BCL6B: variants seen among roughly 807,000 people sequenced by gnomAD.
BCL6B encodes the protein BCL6B transcription repressor, also known as B-cell CLL/lymphoma 6 member B protein.
BCL6B carries 28 observed loss-of-function variants against 44.6 expected under a neutral mutation model. The observed-to-expected ratio is 0.63, with a 90% CI of 0.47 to 0.86. BCL6B has a LOEUF of 0.86. Ranked by LOEUF, BCL6B falls within the 40% of genes least tolerant of loss-of-function variation. The pLI, the probability that BCL6B is intolerant of heterozygous loss-of-function variation, is 0.00. For synonymous variants in BCL6B, 268 were observed against 263.6 expected (o/e 1.02, Z -0.16); for missense variants, 626 against 652.3 (o/e 0.96, Z 0.44).
At position 7,024,942 on chromosome 17, in the gene BCL6B, A is replaced by G. The variant is rs1438238107; in HGVS notation, c.765-134A>G. ...AGCAGGGTGGCACTTGGGCAGTACA[A>G]TGGATGTGGCTCATTGGTCAACAAT... is the stretch of plus-strand genomic sequence containing the variant. On this transcript the variant is annotated intron_variant, in intron 4 of 8. Coordinates refer to ENST00000293805, the MANE Select transcript of BCL6B (RefSeq NM_181844.4). This position sits in a 1 kb window ranked among gnomAD's most constrained non-coding sequence, Gnocchi z 6.6. 3.0e-5 allele frequency: 45 copies of G among 1,490,432 alleles called. No individual in the cohort carries two copies. Among genetic ancestry groups the G allele is most frequent in the Non-Finnish European group, 3.9e-5 (43 of 1,114,670 alleles). The allele number at this position is 1,490,432 out of a possible 1,614,324, so 92.3% of individuals were successfully genotyped here.
In BCL6B at chr17:7,024,059, A is replaced by G; in HGVS notation, c.180-24A>G. 1 of 1,609,994 alleles carries G rather than the reference A, an allele frequency of 6.2e-7. No individual in the cohort carries two copies. Among genetic ancestry groups the G allele is most frequent in the Non-Finnish European group, 8.5e-7 (1 of 1,176,906 alleles). On this transcript the variant is annotated intron_variant, in intron 2 of 8. Coordinates refer to ENST00000293805, the MANE Select transcript of BCL6B (RefSeq NM_181844.4). This position sits in a 1 kb window ranked among gnomAD's most constrained non-coding sequence, Gnocchi z 6.6. The stretch of plus-strand genomic sequence containing the variant: ...TCTCCCTTGGTTCCCCAGCCCCCAA[A>G]GGACTTATCTGCTCTCTCTCTAGTG...
chr17:7,029,304 A>G lies in BCL6B; in HGVS notation c.*1685A>G. ...AGAAGAAGCGCTGAAGCCTTGATTGATAGTTCTGCCCCTTGTTGCCCTGGG... is the reference window on the plus strand; with the variant it reads ...AGAAGAAGCGCTGAAGCCTTGATTGGTAGTTCTGCCCCTTGTTGCCCTGGG... On this transcript the variant is annotated 3_prime_UTR_variant, in exon 9 of 9. Transcript: ENST00000293805. 1 of 987,178 alleles carries G rather than the reference A, an allele frequency of 1.0e-6. No individual in the cohort carries two copies. The highest frequency in any genetic ancestry group is 1.1e-4 in the East Asian group (1 of 8,836). 61.2% of individuals were successfully genotyped at this position (987,178 alleles called of 1,614,324 possible).
chr17:7,027,499 A>G lies in BCL6B; in HGVS notation c.1324-4A>G, dbSNP rs1253761515. Reference sequence around the variant, plus strand: ...CAGGGCCTGACTTGGCTGTCCTCCCACAGTGCGACCCCTGTGGCCTGCATT... The same window carrying G: ...CAGGGCCTGACTTGGCTGTCCTCCCGCAGTGCGACCCCTGTGGCCTGCATT... On this transcript the variant is annotated splice_polypyrimidine_tract_variant and splice_region_variant and intron_variant, in intron 8 of 8. Coordinates refer to ENST00000293805, the MANE Select transcript of BCL6B (RefSeq NM_181844.4). 6.8e-6 allele frequency: 11 copies of G among 1,613,718 alleles called. No individual in the cohort carries two copies. Among genetic ancestry groups the G allele is most frequent in the Admixed American group, 5.0e-5 (3 of 60,004 alleles).
intron 6 of BCL6B, 35 bp from the exon 7 acceptor site, chr17:7,026,670 C>T (rs765794560): frequency 3.1e-6 from 5 of 1,614,166 alleles, no homozygotes; most frequent in Non-Finnish European, 4.2e-6. Context: ...TGTCCTAGGG[C>T]AAAGTCCCTG....
intron 5 of BCL6B, 136 bp from the exon 6 acceptor site, chr17:7,026,321 A>G: frequency 8.6e-7 from 1 of 1,168,826 alleles, no homozygotes; most frequent in Non-Finnish European, 1.2e-6. Flanking sequence ...GGCCTTGAGC[A>G]AGTCAAACCA....
Position 7,024,629 on chromosome 17 carries a change from G to A in BCL6B, c.630G>A (p.Gly210=), listed in dbSNP as rs1296985077. ...TAAACTCTCAGGCCTCCCAAGCAGG[G>A]AGCCTGGTCGGGGAGAGAAGTTCTG... The part of the protein sequence containing the change: ...IVLNSQASQA[G]SLVGERSSGQ... Residue 210 remains glycine (G), a synonymous_variant, in exon 4 of 9, where the codon GGG becomes GGA. Coordinates refer to ENST00000293805, the MANE Select transcript of BCL6B (RefSeq NM_181844.4). This position sits in a 1 kb window ranked among gnomAD's most constrained non-coding sequence, Gnocchi z 6.6. 1 of 1,614,016 alleles carries A rather than the reference G, an allele frequency of 6.2e-7. No individual in the cohort carries two copies. The highest frequency in any genetic ancestry group is 8.5e-7 in the Non-Finnish European group (1 of 1,180,050).
chr17:7,026,603 C>A lies in BCL6B; in HGVS notation c.1036C>A (p.His346Asn). The stretch of plus-strand genomic sequence containing the variant: ...CCGCTACAAGGGCAACCTTGCCAGT[C>A]ATCGTACAGTGCACACAGGTAGGGG... ...SFRYKGNLASHRTVHTGEKPY... is the reference protein window; with the variant it reads ...SFRYKGNLASNRTVHTGEKPY... Residue 346 changes from histidine to asparagine, a missense_variant, in exon 6 of 9, where the codon CAT becomes AAT. Physicochemically the swap from His to Asn is moderately conservative, Grantham distance 68. Coordinates refer to ENST00000293805, the MANE Select transcript of BCL6B (RefSeq NM_181844.4). 1.9e-6 allele frequency: 3 copies of A among 1,614,192 alleles called. No individual in the cohort carries two copies. The South Asian group carries it at 3.3e-5, about 18-fold the overall frequency.
At chr17:7,025,699 C>A (rs1427206120) in intron 5 of BCL6B, among the ~76,000 whole-genome samples, 1 of 151,882 alleles carries the variant, frequency 6.6e-6, no homozygotes, top group African/African-American at 2.4e-5. Context: ...TAGCCGGGCA[C>A]GGTGGTGCAC....
chr17:7,025,836 C>CAAAAAAAAAAA (rs56693603), intron 5 of BCL6B, among the ~76,000 whole-genome samples: 1 of 61,224 alleles, frequency 1.6e-5, no homozygotes, highest in Non-Finnish European at 3.2e-5. Flanking sequence ...GACTCTGTCT[C>CAAAAAAAAAAA]AAAAAAAAAA....
chr17:7,026,786 C>A lies in BCL6B; in HGVS notation c.1136C>A (p.Ser379Ter). 6.2e-7 allele frequency: 1 copy of A among 1,614,128 alleles called. No individual in the cohort carries two copies. The highest frequency in any genetic ancestry group is 1.1e-5 in the South Asian group (1 of 91,082). ...CTGAAAACGCACAGCCGCATCCATT[C>A]GGGAGAGAAGCCGTATAAGTGTGAG... Reference protein sequence around the residue: ...ANLKTHSRIHSGEKPYKCETC... With the variant: ...ANLKTHSRIH Residue 379 changes from serine to a stop codon, truncating the protein, a stop_gained, in exon 7 of 9, where the codon TCG (serine) becomes TAG (stop). Coordinates refer to ENST00000293805, the MANE Select transcript of BCL6B (RefSeq NM_181844.4). LOFTEE classifies it high-confidence loss of function.
rs1161413884 is a variant in BCL6B at position 7,024,532 on chromosome 17, G to C, written c.533G>C (p.Ser178Thr). 1.9e-6 allele frequency: 3 copies of C among 1,613,694 alleles called. No individual in the cohort carries two copies. The African/African-American group carries it at 4.0e-5, about 22-fold the overall frequency. The change falls in exon 4 of 9, where the codon AGT (serine) becomes ACT (threonine). Residue 178 changes from serine to threonine, a missense_variant. Coordinates refer to ENST00000293805, the MANE Select transcript of BCL6B (RefSeq NM_181844.4). The surrounding 1 kb of genome is among the most constrained non-coding windows in gnomAD (Gnocchi z 6.6). ...PDPPTESRSC[S>T]QGPPSPASPD... ...CCACCTACTGAATCTCGAAGCTGCA[G>C]TCAAGGCCCCCCCAGTCCAGCCAGC...
rs1410621270 is a variant in BCL6B at position 7,028,211 on chromosome 17, G to A, written c.*592G>A. On this transcript the variant is annotated 3_prime_UTR_variant, in exon 9 of 9. Transcript: ENST00000293805. ...TAGTTTGTTTAAAATGGAAAAAGGG[G>A]TTCTCTGTGTTCTGCCCCTGTAATT... is the stretch of plus-strand genomic sequence containing the variant. The A allele has an allele frequency of 2.0e-6, 2 of 985,756 alleles. No individual in the cohort carries two copies. Among genetic ancestry groups the A allele is most frequent in the Non-Finnish European group, 2.4e-6 (2 of 830,314 alleles). 61.1% of individuals were successfully genotyped at this position (985,756 alleles called of 1,614,324 possible).
chr17:7,026,950 G>C lies in BCL6B; in HGVS notation c.1186G>C (p.Val396Leu), dbSNP rs747901995. ...GGACTTGAAGTCTCCTCCCTCCCAGGTGGCACATCTGCGGGCGCACGTGCT... is the reference window on the plus strand; with the variant it reads ...GGACTTGAAGTCTCCTCCCTCCCAGCTGGCACATCTGCGGGCGCACGTGCT... ...CETCGSRFVQ[V>L]AHLRAHVLIH... The change falls in exon 8 of 9, where the codon GTG becomes CTG. Residue 396 changes from valine (V) to leucine (L), a missense_variant and splice_region_variant. By Grantham distance (32) the Val-to-Leu change is conservative. Transcript: ENST00000293805. 6.2e-7 allele frequency: 1 copy of C among 1,612,260 alleles called. No individual in the cohort carries two copies. The highest frequency in any genetic ancestry group is 1.1e-5 in the South Asian group (1 of 91,070).
At position 7,024,014 on chromosome 17, in the gene BCL6B, G is replaced by A; in HGVS notation, c.180-69G>A. 1 of 1,561,446 alleles carries A rather than the reference G, an allele frequency of 6.4e-7. No individual in the cohort carries two copies. Among genetic ancestry groups the A allele is most frequent in the Non-Finnish European group, 8.8e-7 (1 of 1,138,354 alleles). On this transcript the variant is annotated intron_variant, in intron 2 of 8. Transcript: ENST00000293805. The surrounding 1 kb of genome is among the most constrained non-coding windows in gnomAD (Gnocchi z 6.6). ...AGGCGGGACTTTTTCAGGGGGCGGG[G>A]CTTCCTGAAGCTGCGCATGTCTCCC...
chr17:7,024,394 T>G lies in BCL6B; in HGVS notation c.402-7T>G. The G allele has an allele frequency of 6.2e-7, 1 of 1,612,344 alleles. No individual in the cohort carries two copies. Among genetic ancestry groups the G allele is most frequent in the East Asian group, 2.2e-5 (1 of 44,840 alleles). On this transcript the variant is annotated splice_region_variant and splice_polypyrimidine_tract_variant and intron_variant, in intron 3 of 8. Transcript: ENST00000293805. The surrounding 1 kb of genome is among the most constrained non-coding windows in gnomAD (Gnocchi z 6.6). ...AATGGCACTAACGTTCATCACACTT[T>G]CCCCAGCTATGAACCTCTGGGCATC...
At position 7,023,691 on chromosome 17, in the gene BCL6B, C is replaced by T. The variant is rs762380355; in HGVS notation, c.20C>T (p.Pro7Leu). The T allele has an allele frequency of 1.9e-6, 3 of 1,612,782 alleles. No individual in the cohort carries two copies. The highest frequency in any genetic ancestry group is 2.2e-5 in the South Asian group (2 of 91,044). Residue 7 changes from proline to leucine, a missense_variant, in exon 2 of 9, where the codon CCG becomes CTG. Physicochemically the swap from Pro to Leu is moderately conservative, Grantham distance 98 (BLOSUM62 -3). Transcript: ENST00000293805. MGSPAA[P>L]EGALGYVREF... ...GTCGCTATGGGTTCCCCCGCCGCCCCGGAGGGAGCGCTGGGCTACGTCCGC... is the reference window on the plus strand; with the variant it reads ...GTCGCTATGGGTTCCCCCGCCGCCCTGGAGGGAGCGCTGGGCTACGTCCGC...
In BCL6B at chr17:7,024,039, C is replaced by T. The variant is rs762779920; in HGVS notation, c.180-44C>T. ...GCTTCCTGAAGCTGCGCATGTCTCCCTTGGTTCCCCAGCCCCCAAAGGACT... is the reference window on the plus strand; with the variant it reads ...GCTTCCTGAAGCTGCGCATGTCTCCTTTGGTTCCCCAGCCCCCAAAGGACT... On this transcript the variant is annotated intron_variant, in intron 2 of 8. Coordinates refer to ENST00000293805, the MANE Select transcript of BCL6B (RefSeq NM_181844.4). This position sits in a 1 kb window ranked among gnomAD's most constrained non-coding sequence, Gnocchi z 6.6. The T allele has an allele frequency of 2.5e-6, 4 of 1,596,048 alleles. No individual in the cohort carries two copies. The highest frequency in any genetic ancestry group is 1.3e-5 in the African/African-American group (1 of 74,370).
rs1157854638 is a variant in BCL6B at position 7,027,678 on chromosome 17, C to A, written c.*59C>A. On this transcript the variant is annotated 3_prime_UTR_variant, in exon 9 of 9. Transcript: ENST00000293805. ...CGGGTGGGAAAGCTGCAGGCCCAGG[C>A]CTTGCTTCCCTATCAGGCTTGGGCA... 6.2e-7 allele frequency: 1 copy of A among 1,604,330 alleles called. No individual in the cohort carries two copies. The highest frequency in any genetic ancestry group is 8.5e-7 in the Non-Finnish European group (1 of 1,177,590).
Position 7,024,292 on chromosome 17 carries a change from T to A in BCL6B, c.389T>A (p.Phe130Tyr). 6.2e-7 allele frequency: 1 copy of A among 1,613,784 alleles called. No homozygotes were observed. Among genetic ancestry groups the A allele is most frequent in the Non-Finnish European group, 8.5e-7 (1 of 1,180,020 alleles). Residue 130 changes from phenylalanine to tyrosine, a missense_variant, in exon 3 of 9, where the codon TTC (phenylalanine) becomes TAC (tyrosine). Phe to Tyr is a conservative substitution (Grantham distance 22). Transcript: ENST00000293805. This position sits in a 1 kb window ranked among gnomAD's most constrained non-coding sequence, Gnocchi z 6.6. ...MEHVVQACHR[F>Y]IQASYEPLGI... ...CACGTGGTCCAGGCATGCCACCGCT[T>A]CATCCAGGCCAGGTGAGGGACCCTG...
Sources: allele counts gnomAD v4.1 joint callset (sites outside exome capture counted in the v4.1 genomes callset), GRCh38; gene constraint gnomAD v4.1.1; non-coding constraint Gnocchi (gnomAD v3.1); transcripts MANE v1.5; gene names NCBI Gene and HGNC (gene_info 2026-07-23, HGNC 2026-07-21).